AFF3: variants seen among roughly 807,000 people sequenced by gnomAD.
AFF3 encodes ALF transcription elongation factor 3, also known as AF4/FMR2 family member 3.
In AFF3, 32 loss-of-function variants were observed where a neutral mutation model predicts 129.7. The observed-to-expected ratio is 0.25, with a 90% CI of 0.19 to 0.33. AFF3 has a LOEUF of 0.33. Ranked by LOEUF, AFF3 falls within the 10% of genes least tolerant of loss-of-function variation. AFF3 has a pLI of 1.00. For missense variants in AFF3, 1,373 were observed against 1,592.0 expected (o/e 0.86, Z 2.34); for synonymous variants, 644 against 635.4 (o/e 1.01, Z -0.20).
At chr2:99,822,908 A>C (rs750151902) in intron 8 of AFF3, among the ~76,000 whole-genome samples, 3 of 152,214 alleles carry the variant, frequency 2.0e-5, no homozygotes, top group Non-Finnish European at 4.4e-5. Flanking sequence ...TAAGTTAAAA[A>C]GTCAGAATGA....
At chr2:99,887,698 C>T (rs909358447) in intron 7 of AFF3, among the ~76,000 whole-genome samples, 1 of 152,200 alleles carries the variant, frequency 6.6e-6, no homozygotes, top group African/African-American at 2.4e-5. Context: ...TATTGCTATA[C>T]TTATCATTAA....
At position 99,593,573 on chromosome 2, in the gene AFF3, C is replaced by T. The variant is rs768541878; in HGVS notation, c.2088G>A (p.Val696=). Residue 696 remains valine (V), a synonymous_variant, in exon 15 of 25, where the codon GTG becomes GTA. Coordinates refer to ENST00000672756, the MANE Select transcript of AFF3 (RefSeq NM_001386135.1). ...EEYPLSKAQT[V]AASASSGNDQ... ...CATTCCCGGAGGAGGCAGAGGCAGC[C>T]ACGGTCTGTGCTTTGGACAGAGGGT... is the stretch of plus-strand genomic sequence containing the variant. The T allele has an allele frequency of 8.7e-6, 14 of 1,613,100 alleles. No homozygotes were observed. Among genetic ancestry groups the T allele is most frequent in the Admixed American group, 8.3e-5 (5 of 60,008 alleles).
In AFF3 at chr2:99,976,092, G is replaced by T. The variant is rs1185848903; in HGVS notation, c.873+30540C>A. ...CACAGCATTGCAAGGAGGAGTTAAC[G>T]CCAATTCTTATTCAAAATTAAATTC... is the stretch of plus-strand genomic sequence containing the variant. On this transcript the variant is annotated intron_variant, in intron 7 of 24. Transcript: ENST00000672756. Among the ~76,000 whole-genome samples, 3 of 151,810 alleles carry T rather than the reference G, an allele frequency of 2.0e-5. No homozygotes were observed. In the East Asian group the frequency reaches 5.8e-4, roughly 29 times the overall value.
At chr2:99,876,549 C>T (rs1340360082) in intron 7 of AFF3, among the ~76,000 whole-genome samples, 1 of 152,084 alleles carries the variant, frequency 6.6e-6, no homozygotes, top group African/African-American at 2.4e-5. Flanking sequence ...GGCCTGTGTC[C>T]CACTTTCCAT....
At chr2:100,141,924 G>C (rs113741306) in intron 1 of AFF3, among the ~76,000 whole-genome samples, 40 of 151,856 alleles carry the variant, frequency 2.6e-4, no homozygotes, top group Non-Finnish European at 5.1e-4. Flanking sequence ...TACAAATATA[G>C]TGCTGTTAGC....
chr2:100,009,772 G>T (rs538515759), intron 4 of AFF3, among the ~76,000 whole-genome samples: 1 of 152,336 alleles, frequency 6.6e-6, no homozygotes, highest in African/African-American at 2.4e-5. Context: ...TGATGAGGAA[G>T]TGACCTGTTT....
intron 13 of AFF3, among the ~76,000 whole-genome samples, chr2:99,611,327 T>C (rs1306333011): frequency 6.6e-6 from 1 of 152,206 alleles, no homozygotes; most frequent in East Asian, 1.9e-4. Context: ...TCTTTTCTCA[T>C]TCAAGTTGAG....
chr2:99,984,552 A>T (rs1463371295), intron 7 of AFF3, among the ~76,000 whole-genome samples: 1 of 152,248 alleles, frequency 6.6e-6, no homozygotes, highest in African/African-American at 2.4e-5. Flanking sequence ...GATCAAAAAC[A>T]TGCTACAGCT....
intron 4 of AFF3, among the ~76,000 whole-genome samples, chr2:100,011,768 A>G (rs1415525087): frequency 1.3e-5 from 2 of 152,190 alleles, no homozygotes; most frequent in African/African-American, 4.8e-5. Context: ...AAACAGATTC[A>G]TAAACTCCAC....
intron 8 of AFF3, among the ~76,000 whole-genome samples, chr2:99,757,101 T>C (rs1682179031): frequency 6.6e-6 from 1 of 152,224 alleles, no homozygotes; most frequent in African/African-American, 2.4e-5. Context: ...GAAACTTCTT[T>C]TCTCTCACTG....
chr2:99,915,274 A>G (rs1055950661), intron 7 of AFF3, among the ~76,000 whole-genome samples: 1 of 152,254 alleles, frequency 6.6e-6, no homozygotes, highest in Non-Finnish European at 1.5e-5. Flanking sequence ...ACATGGATCA[A>G]TAGGGATATC....
At chr2:99,814,995 G>A (rs10184215) in intron 8 of AFF3, among the ~76,000 whole-genome samples, 93,052 of 151,676 alleles carry the variant, frequency 0.61, 30,125 homozygotes, top group South Asian at 0.79. Context: ...GATTACAGGC[G>A]TGTACCATCC....
At chr2:99,717,836 G>C (rs149293147) in intron 11 of AFF3, among the ~76,000 whole-genome samples, 1 of 152,098 alleles carries the variant, frequency 6.6e-6, no homozygotes, top group Non-Finnish European at 1.5e-5. Context: ...TTGTTTTAGC[G>C]TTTATATTGA....
At chr2:100,009,223 T>A (rs1260697870) in intron 4 of AFF3, among the ~76,000 whole-genome samples, 1 of 152,186 alleles carries the variant, frequency 6.6e-6, no homozygotes, top group Non-Finnish European at 1.5e-5. Flanking sequence ...AGACTGAAAG[T>A]AATCTTAAGG....
At chr2:99,879,154 G>C (rs1203503362) in intron 7 of AFF3, among the ~76,000 whole-genome samples, 1 of 152,188 alleles carries the variant, frequency 6.6e-6, no homozygotes, top group East Asian at 1.9e-4. Flanking sequence ...CTGTTTTCCA[G>C]ATTGTATTCT....
At chr2:99,957,552 G>T (rs1280177291) in intron 7 of AFF3, among the ~76,000 whole-genome samples, 1 of 152,148 alleles carries the variant, frequency 6.6e-6, no homozygotes, top group Non-Finnish European at 1.5e-5. Context: ...CGGCCCTTTG[G>T]TGTTGGCCTA....
intron 10 of AFF3, among the ~76,000 whole-genome samples, 196 bp from the exon 11 acceptor site, chr2:99,727,324 C>T (rs1679440751): frequency 6.6e-6 from 1 of 152,198 alleles, no homozygotes; most frequent in African/African-American, 2.4e-5. Context: ...TGCCCAGGCA[C>T]AAATCTGTGA....
chr2:100,114,950 A>G (rs1025315001), intron 2 of AFF3, among the ~76,000 whole-genome samples: 1 of 152,246 alleles, frequency 6.6e-6, no homozygotes, highest in African/African-American at 2.4e-5. Context: ...ATGTCAAATT[A>G]TAGGTATGTA....
intron 1 of AFF3, among the ~76,000 whole-genome samples, chr2:100,129,999 C>G (rs1292995947): frequency 1.3e-5 from 2 of 152,142 alleles, no homozygotes; most frequent in Admixed American, 6.5e-5. Context: ...GTAGTCCTGC[C>G]TCATAGAATT....
Sources: allele counts gnomAD v4.1 joint callset (sites outside exome capture counted in the v4.1 genomes callset), GRCh38; gene constraint gnomAD v4.1.1; transcripts MANE v1.5; gene names NCBI Gene and HGNC (gene_info 2026-07-23, HGNC 2026-07-21).